Variants in DENND2B observed in about 807,000 individuals in gnomAD.
DENND2B encodes DENN domain-containing protein 2B.
In DENND2B, 32 loss-of-function variants were observed where a neutral mutation model predicts 116.0. The ratio of observed to expected loss-of-function variants is 0.28; its 90% CI spans 0.21 to 0.37. The LOEUF is 0.37. DENND2B is among the 10% of genes least tolerant of loss of function. The probability of loss-of-function intolerance (pLI) is 1.00; values close to 1 mark genes in which losing one functional copy is unlikely to be tolerated. For synonymous variants in DENND2B, 588 were observed against 583.9 expected (o/e 1.01, Z -0.10); for missense variants, 1,276 against 1,477.7 (o/e 0.86, Z 2.24).
intron 2 of DENND2B, among the ~76,000 whole-genome samples, chr11:8,733,530 T>C (rs1368482871): frequency 1.3e-5 from 2 of 152,210 alleles, no homozygotes; most frequent in African/African-American, 2.4e-5. Flanking sequence ...TACTGGGAGA[T>C]GGCAGGCACC....
At chr11:8,713,920 C>A in intron 8 of DENND2B, 78 bp downstream of exon 8, 2 of 1,505,730 alleles carry the variant, frequency 1.3e-6, no homozygotes, top group Non-Finnish European at 1.8e-6. Context: ...ACTGGAACCA[C>A]ACATGCATCG....
intron 1 of DENND2B, among the ~76,000 whole-genome samples, chr11:8,761,549 T>C (rs557765618): frequency 2.0e-5 from 3 of 152,326 alleles, no homozygotes; most frequent in East Asian, 3.9e-4. Context: ...ATGCCAGGAA[T>C]GTTCATGCCG....
chr11:8,888,055 C>T (rs1342761944), intron 1 of DENND2B, among the ~76,000 whole-genome samples: 1 of 152,176 alleles, frequency 6.6e-6, no homozygotes, highest in African/African-American at 2.4e-5. Context: ...AATGTCTCTC[C>T]CCAGCTAGAC....
chr11:8,884,614 C>A (rs2063940436), intron 1 of DENND2B, among the ~76,000 whole-genome samples: 1 of 152,182 alleles, frequency 6.6e-6, no homozygotes, highest in African/African-American at 2.4e-5. Context: ...CAGGACCAGG[C>A]AGCCTAGGAG....
intron 3 of DENND2B, among the ~76,000 whole-genome samples, chr11:8,843,218 T>C (rs1391330934): frequency 1.3e-5 from 2 of 152,110 alleles, no homozygotes; most frequent in South Asian, 4.1e-4. Flanking sequence ...GGTTTCACCA[T>C]GTTGGTCTCG....
At chr11:8,877,194 C>G (rs2063852868) in intron 2 of DENND2B, among the ~76,000 whole-genome samples, 2 of 148,356 alleles carry the variant, frequency 1.3e-5, no homozygotes, top group Admixed American at 6.8e-5. Context: ...AGCTCCACCT[C>G]CCGGGTTCAT....
intron 1 of DENND2B, among the ~76,000 whole-genome samples, chr11:8,892,495 AC>A (rs1256294624): frequency 4.6e-5 from 7 of 152,132 alleles, no homozygotes; most frequent in Non-Finnish European, 8.8e-5. Flanking sequence ...TTGATAGACC[AC>A]TAGCAAGACT....
At chr11:8,888,839 C>T (rs571971023) in intron 1 of DENND2B, among the ~76,000 whole-genome samples, 22 of 152,260 alleles carry the variant, frequency 1.4e-4, no homozygotes, top group Non-Finnish European at 2.8e-4. Context: ...CTAATCATTA[C>T]GGAAATGCAA....
intron 4 of DENND2B, among the ~76,000 whole-genome samples, chr11:8,831,368 T>TA (rs1201790564): frequency 6.6e-6 from 1 of 152,166 alleles, no homozygotes; most frequent in African/African-American, 2.4e-5. Context: ...CCTTCCCCAC[T>TA]ACTCCTGGCT....
intron 1 of DENND2B, among the ~76,000 whole-genome samples, chr11:8,788,825 C>G (rs1277127221): frequency 6.6e-6 from 1 of 152,230 alleles, no homozygotes; most frequent in Admixed American, 6.5e-5. Flanking sequence ...TGACCATTCA[C>G]TACCTGACAG....
intron 14 of DENND2B, among the ~76,000 whole-genome samples, chr11:8,701,362 G>T (rs909926164): frequency 1.0e-5 from 1 of 98,872 alleles, no homozygotes; most frequent in Admixed American, 1.0e-4. Context: ...GGGGGGGGAG[G>T]GGCTACATGA....
intron 2 of DENND2B, among the ~76,000 whole-genome samples, chr11:8,747,462 C>G (rs1205761027): frequency 6.6e-6 from 1 of 152,220 alleles, no homozygotes; most frequent in Non-Finnish European, 1.5e-5. Flanking sequence ...ATCTACACAG[C>G]TGAATTAGCT....
chr11:8,810,973 C>T (rs1324142312), upstream of DENND2B: 4 of 254,116 alleles, frequency 1.6e-5, no homozygotes, highest in African/African-American at 8.9e-5. Flanking sequence ...TTGAACAGCT[C>T]AGAGGGGAGA....
chr11:8,710,761 A>G (rs2043486788), intron 11 of DENND2B, 84 bp downstream of exon 11: 2 of 661,366 alleles, frequency 3.0e-6, no homozygotes, highest in South Asian at 2.8e-5. Flanking sequence ...GGGCACACAC[A>G]CACACACACA....
intron 3 of DENND2B, among the ~76,000 whole-genome samples, chr11:8,846,652 C>G (rs1042064229): frequency 1.3e-5 from 2 of 152,216 alleles, no homozygotes; most frequent in Admixed American, 6.5e-5. Flanking sequence ...GTTCTCTTCA[C>G]CAAGTCAAAT....
intron 1 of DENND2B, among the ~76,000 whole-genome samples, chr11:8,783,242 T>C (rs376715854): frequency 6.6e-6 from 1 of 152,016 alleles, no homozygotes. Flanking sequence ...TTTCTAGAAA[T>C]AGCATCTCAC....
At chr11:8,892,598 A>G (rs1252174838) in intron 1 of DENND2B, among the ~76,000 whole-genome samples, 1 of 152,226 alleles carries the variant, frequency 6.6e-6, no homozygotes, top group Admixed American at 6.5e-5. Flanking sequence ...ACAAACTACC[A>G]TCAGAGAATA....
chr11:8,800,275 TA>T (rs1477794099), intron 1 of DENND2B, among the ~76,000 whole-genome samples: 1 of 152,204 alleles, frequency 6.6e-6, no homozygotes, highest in East Asian at 1.9e-4. Flanking sequence ...ATCTTTTAAT[TA>T]CTCCATCAGA....
upstream of DENND2B, chr11:8,811,212 C>A (rs2061360196): frequency 5.0e-6 from 2 of 398,440 alleles, no homozygotes; most frequent in African/African-American, 2.1e-5. Flanking sequence ...GCACTCACAT[C>A]CCAGGAGCTC....
Sources: gnomAD v4.1 joint callset for allele counts (sites outside exome capture counted in the v4.1 genomes callset) on GRCh38, gnomAD v4.1.1 for gene constraint, MANE v1.5 for transcripts, NCBI Gene and HGNC (gene_info 2026-07-23, HGNC 2026-07-21) for gene names.